The following KCNH5 variants were observed in gnomAD, a reference collection of about 807,000 sequenced individuals.
KCNH5 encodes potassium voltage-gated channel subfamily H member 5.
In KCNH5, 46 loss-of-function variants were observed where a neutral mutation model predicts 96.1. That is an observed-to-expected ratio of 0.48 (90% CI 0.38 to 0.61). KCNH5 has a LOEUF of 0.61. Among genes scored for constraint, KCNH5 ranks in the 20% least tolerant of loss-of-function variants. The pLI, the probability that KCNH5 is intolerant of heterozygous loss-of-function variation, is 0.00. For missense variants in KCNH5, 907 were observed against 1,225.8 expected (o/e 0.74, Z 3.88); for synonymous variants, 439 against 449.8 (o/e 0.98, Z 0.30).
At chr14:62,904,509 T>C (rs1289963621) in intron 7 of KCNH5, among the ~76,000 whole-genome samples, 1 of 152,184 alleles carries the variant, frequency 6.6e-6, no homozygotes, top group Non-Finnish European at 1.5e-5. Context: ...TGGTCCTCAA[T>C]GGTTTCCTTG....
chr14:62,923,866 C>T (rs1889423925), intron 7 of KCNH5, among the ~76,000 whole-genome samples: 1 of 151,778 alleles, frequency 6.6e-6, no homozygotes, highest in Non-Finnish European at 1.5e-5. Flanking sequence ...CATAAAAGTC[C>T]TAGAAGAAAA....
intron 7 of KCNH5, among the ~76,000 whole-genome samples, chr14:62,934,213 G>A (rs372278673): frequency 3.3e-5 from 5 of 150,142 alleles, no homozygotes; most frequent in African/African-American, 9.9e-5. Context: ...TGCAACCTCC[G>A]CCTCCCGGGT....
At chr14:62,905,420 A>G (rs1204788247) in intron 7 of KCNH5, among the ~76,000 whole-genome samples, 1 of 152,196 alleles carries the variant, frequency 6.6e-6, no homozygotes, top group Non-Finnish European at 1.5e-5. Context: ...CATAGTAACT[A>G]TAAGATAAAA....
intron 10 of KCNH5, among the ~76,000 whole-genome samples, chr14:62,760,284 G>T (rs2139954786): frequency 6.6e-6 from 1 of 152,258 alleles, no homozygotes; most frequent in African/African-American, 2.4e-5. Flanking sequence ...AACTTTCAAA[G>T]GACCCGTGTT....
chr14:62,925,663 T>C (rs1889461284), intron 7 of KCNH5, among the ~76,000 whole-genome samples: 1 of 152,092 alleles, frequency 6.6e-6, no homozygotes, highest in Non-Finnish European at 1.5e-5. Flanking sequence ...GTTTTTACAT[T>C]CCCAATAAGC....
chr14:62,799,726 T>TATATATATATATATATAC (rs1213484157), intron 9 of KCNH5, among the ~76,000 whole-genome samples: 19 of 68,628 alleles, frequency 2.8e-4, no homozygotes, highest in South Asian at 7.3e-4. Flanking sequence ...TATATATATA[T>TATATATATATATATATAC]ACACACACAC....
At chr14:62,924,368 GTGGGAA>G (rs1197524522) in intron 7 of KCNH5, among the ~76,000 whole-genome samples, 1 of 151,938 alleles carries the variant, frequency 6.6e-6, no homozygotes, top group Non-Finnish European at 1.5e-5. Context: ...TACACTGTTG[GTGGGAA>G]TGTAAATTAG....
intron 8 of KCNH5, among the ~76,000 whole-genome samples, chr14:62,827,973 G>C (rs1054215163): frequency 6.6e-6 from 1 of 151,662 alleles, no homozygotes; most frequent in Non-Finnish European, 1.5e-5. Flanking sequence ...TAATTTTTTT[G>C]AATTGCTTCA....
chr14:62,851,081 T>C (rs1326335519), intron 7 of KCNH5, among the ~76,000 whole-genome samples: 1 of 152,188 alleles, frequency 6.6e-6, no homozygotes. Context: ...CAAGAAGAGC[T>C]GTTCTCCTCT....
rs556721393 is a variant in KCNH5, at chr14:62,742,396, C to T, written c.2020-33941G>A. ...AAGATTTCATAGATTGATTCTATGT[C>T]GATACCCCCAGGTGATTCTTGTGTA... On this transcript the variant is annotated intron_variant, in intron 10 of 10. Coordinates refer to ENST00000322893, the MANE Select transcript of KCNH5 (RefSeq NM_139318.5). Among the ~76,000 whole-genome samples the T allele has an allele frequency of 2.1e-4, 32 of 152,262 alleles. 2 individuals carry two copies. In the East Asian group the frequency reaches 6.2e-3, roughly 29 times the overall value.
At chr14:62,868,061 T>C (rs903712964) in intron 7 of KCNH5, among the ~76,000 whole-genome samples, 1 of 152,240 alleles carries the variant, frequency 6.6e-6, no homozygotes, top group African/African-American at 2.4e-5. Flanking sequence ...AAATTGAATA[T>C]AATATTCCCA....
chr14:62,754,529 C>T (rs1237252297), intron 10 of KCNH5, among the ~76,000 whole-genome samples: 1 of 150,694 alleles, frequency 6.6e-6, no homozygotes, highest in Non-Finnish European at 1.5e-5. Flanking sequence ...ATAAAGCACA[C>T]ACAGACTAAA....
At chr14:62,902,879 T>C (rs1281336519) in intron 7 of KCNH5, among the ~76,000 whole-genome samples, 1 of 151,814 alleles carries the variant, frequency 6.6e-6, no homozygotes, top group East Asian at 1.9e-4. Flanking sequence ...CCACCACCCC[T>C]GGCTAATTTT....
At chr14:62,711,157 C>G (rs1366485796) in intron 10 of KCNH5, among the ~76,000 whole-genome samples, 1 of 152,118 alleles carries the variant, frequency 6.6e-6, no homozygotes, top group African/African-American at 2.4e-5. Context: ...TGTTGTAAGA[C>G]TGTAACATGT....
chr14:62,793,010 T>A (rs1253853792), intron 9 of KCNH5, among the ~76,000 whole-genome samples: 1 of 151,764 alleles, frequency 6.6e-6, no homozygotes, highest in Non-Finnish European at 1.5e-5. Context: ...TAGGTGAACC[T>A]GGAGAGCACT....
chr14:62,821,066 A>G (rs1887104693), intron 8 of KCNH5, among the ~76,000 whole-genome samples: 1 of 151,966 alleles, frequency 6.6e-6, no homozygotes. Flanking sequence ...TTGACTTTTT[A>G]ATAATAGCCA....
chr14:62,714,605 T>G (rs965774737), intron 10 of KCNH5, among the ~76,000 whole-genome samples: 1 of 152,170 alleles, frequency 6.6e-6, no homozygotes, highest in South Asian at 2.1e-4. Context: ...ATTATATAGA[T>G]GATCATTTTT....
intron 8 of KCNH5, among the ~76,000 whole-genome samples, chr14:62,815,062 C>T (rs1025673782): frequency 6.6e-6 from 1 of 152,016 alleles, no homozygotes; most frequent in African/African-American, 2.4e-5. Context: ...AATATTAATA[C>T]ATTGTGGCAC....
At chr14:62,924,302 CA>C (rs1334384211) in intron 7 of KCNH5, among the ~76,000 whole-genome samples, 7 of 151,720 alleles carry the variant, frequency 4.6e-5, no homozygotes, top group Non-Finnish European at 4.4e-5. Context: ...TGCCTATTAT[CA>C]AAAAGTCAAA....
Sources: gnomAD v4.1 joint callset for allele counts (sites outside exome capture counted in the v4.1 genomes callset) on GRCh38, gnomAD v4.1.1 for gene constraint, MANE v1.5 for transcripts, NCBI Gene and HGNC (gene_info 2026-07-23, HGNC 2026-07-21) for gene names.